SLC25A51: variants seen among roughly 807,000 people sequenced by gnomAD.
SLC25A51 encodes the protein mitochondrial nicotinamide adenine dinucleotide transporter SLC25A51.
SLC25A51 carries 11 observed loss-of-function variants against 19.1 expected under a neutral mutation model. The observed-to-expected ratio is 0.58, with a 90% CI of 0.36 to 0.96. The LOEUF is 0.96. Among genes scored for constraint, SLC25A51 ranks in the 40% least tolerant of loss-of-function variants. SLC25A51 has a pLI of 0.01. For missense variants in SLC25A51, 201 were observed against 365.4 expected, an observed-to-expected ratio of 0.55 and a Z score of 3.67; for synonymous variants, 105 against 133.6, an observed-to-expected ratio of 0.79 and a Z score of 1.47.
chr9:37,902,600 A>G (rs1831871169), intron 1 of SLC25A51, among the ~76,000 whole-genome samples: 1 of 152,246 alleles, frequency 6.6e-6, no homozygotes, highest in Non-Finnish European at 1.5e-5. Flanking sequence ...GAACATGGTT[A>G]AATTTCTTTG....
exon 4 of SLC25A51, chr9:37,879,547 G>GA (rs2118277941): frequency 6.5e-6 from 1 of 153,836 alleles, no homozygotes; most frequent in African/African-American, 2.4e-5. Flanking sequence ...TTTAGCTGCA[G>GA]AAAAAATAAT....
At chr9:37,885,948 T>C (rs934497318), downstream of SLC25A51, 27 of 1,613,056 alleles carry the variant, frequency 1.7e-5, no homozygotes, top group African/African-American at 2.3e-4. Flanking sequence ...GATGAGGAAC[T>C]AGAACGGGAC....
chr9:37,895,997 A>C (rs1025073493), intron 2 of SLC25A51, among the ~76,000 whole-genome samples: 1 of 152,078 alleles, frequency 6.6e-6, no homozygotes, highest in East Asian at 1.9e-4. Context: ...TATTTTTAGT[A>C]AAGACAAGGT....
At chr9:37,887,559 A>G (rs1831488259), downstream of SLC25A51, 2 of 1,388,858 alleles carry the variant, frequency 1.4e-6, no homozygotes, top group South Asian at 3.0e-5. Flanking sequence ...CCATAATAAG[A>G]TTGGGATTTC....
chr9:37,880,389 C>T (rs1310747323), exon 4 of SLC25A51: 3 of 152,034 alleles, frequency 2.0e-5, no homozygotes, highest in African/African-American at 7.2e-5. Context: ...ATTTTACCTT[C>T]GATTTCTACT....
At chr9:37,886,277 C>A, downstream of SLC25A51, 2 of 1,613,628 alleles carry the variant, frequency 1.2e-6, no homozygotes, top group Non-Finnish European at 1.7e-6. Flanking sequence ...CTTAAATGAG[C>A]TATACCAGCG....
At chr9:37,901,356 C>T (rs555392516) in intron 1 of SLC25A51, among the ~76,000 whole-genome samples, 58 of 151,892 alleles carry the variant, frequency 3.8e-4, no homozygotes, top group African/African-American at 4.6e-4. Flanking sequence ...TTAGTGGAGA[C>T]GGGGTTTCAC....
At chr9:37,885,341 A>AT (rs1491488380), downstream of SLC25A51, among the ~76,000 whole-genome samples, 4 of 85,284 alleles carry the variant, frequency 4.7e-5, no homozygotes, top group African/African-American at 1.6e-4. Flanking sequence ...TTAGGTAATG[A>AT]TAAAAAAAAA....
At chr9:37,882,213 T>C (rs1288089180) in intron 2 of SLC25A51, among the ~76,000 whole-genome samples, 1 of 152,218 alleles carries the variant, frequency 6.6e-6, no homozygotes, top group African/African-American at 2.4e-5. Context: ...AATATTTTAA[T>C]TTAAAAGAGA....
exon 4 of SLC25A51, chr9:37,879,905 A>C (rs2118279421): frequency 6.6e-6 from 1 of 152,578 alleles, no homozygotes; most frequent in South Asian, 2.1e-4. Context: ...ACAGCAGCGC[A>C]GTTTTAGCTA....
At chr9:37,885,673 C>A (rs1351456872), downstream of SLC25A51, 2 of 1,228,610 alleles carry the variant, frequency 1.6e-6, no homozygotes, top group Non-Finnish European at 2.4e-6. Context: ...AGGAGTTGCC[C>A]GAAACCGGAG....
chr9:37,889,883 T>C (rs1831541591), intron 2 of SLC25A51, among the ~76,000 whole-genome samples: 1 of 151,912 alleles, frequency 6.6e-6, no homozygotes, highest in African/African-American at 2.4e-5. Flanking sequence ...AGCTGGGTCA[T>C]ACAGAATAAT....
chr9:37,888,894 A>G (rs968718690), intron 2 of SLC25A51, among the ~76,000 whole-genome samples: 1 of 152,252 alleles, frequency 6.6e-6, no homozygotes, highest in Admixed American at 6.5e-5. Context: ...CTTAAGTCAG[A>G]CATGCAAAAG....
At chr9:37,890,723 C>T (rs1252938471) in intron 2 of SLC25A51, among the ~76,000 whole-genome samples, 2 of 151,788 alleles carry the variant, frequency 1.3e-5, no homozygotes, top group Non-Finnish European at 2.9e-5. Flanking sequence ...TACGATCCAA[C>T]AATCCTACTT....
chr9:37,900,266 C>T (rs763355175), intron 1 of SLC25A51, among the ~76,000 whole-genome samples: 17 of 151,814 alleles, frequency 1.1e-4, no homozygotes, highest in Non-Finnish European at 1.8e-4. Flanking sequence ...CTGGCTAACA[C>T]GGTGAAACCC....
At chr9:37,902,196 T>C (rs1170211990) in intron 1 of SLC25A51, among the ~76,000 whole-genome samples, 1 of 152,224 alleles carries the variant, frequency 6.6e-6, no homozygotes, top group Non-Finnish European at 1.5e-5. Context: ...AAAAATTTTG[T>C]CCATGTTCAC....
chr9:37,887,573 T>TAAAAAA, downstream of SLC25A51: 1 of 1,295,006 alleles, frequency 7.7e-7, no homozygotes. Flanking sequence ...GGATTTCCTT[T>TAAAAAA]AAAAAAAAAA....
chr9:37,899,904 T>C lies in SLC25A51; in HGVS notation c.-118A>G, dbSNP rs1275238579. Reference sequence around the variant, plus strand: ...TTCCCAATTTCTTCCATTGTTATTGTTCTGTTAGGTTCTCTCTTCTTGAGT... The same window carrying C: ...TTCCCAATTTCTTCCATTGTTATTGCTCTGTTAGGTTCTCTCTTCTTGAGT... On this transcript the variant is annotated 5_prime_UTR_variant, in exon 2 of 3. Transcript: ENST00000242275. The C allele has an allele frequency of 6.2e-6, 1 of 161,914 alleles. No individual in the cohort carries two copies. Among genetic ancestry groups the C allele is most frequent in the African/African-American group, 2.4e-5 (1 of 41,298 alleles). The allele number at this position is 161,914 out of a possible 1,614,324, so 10.0% of individuals were successfully genotyped here. A position where few individuals can be genotyped will look rare whatever the true frequency, so the allele number is the denominator to read the frequency against.
intron 2 of SLC25A51, 59 bp from the exon 3 acceptor site, chr9:37,888,651 T>C: frequency 7.5e-7 from 1 of 1,325,022 alleles, no homozygotes; most frequent in South Asian, 1.4e-5. Context: ...ACACATGGGC[T>C]TTCTCCCTAA....
Sources: gnomAD v4.1 joint callset for allele counts (sites outside exome capture counted in the v4.1 genomes callset) on GRCh38, gnomAD v4.1.1 for gene constraint, MANE v1.5 for transcripts, NCBI Gene and HGNC (gene_info 2026-07-23, HGNC 2026-07-21) for gene names.